TBC1D32: variants seen among roughly 807,000 people sequenced by gnomAD.
TBC1D32 encodes the protein protein broad-minded.
In TBC1D32, 151 loss-of-function variants were observed where a neutral mutation model predicts 170.3. The observed-to-expected ratio is 0.89, with a 90% confidence interval of 0.78 to 1.01. The LOEUF (loss-of-function observed/expected upper bound fraction) is 1.01. TBC1D32 is among the 50% of genes least tolerant of loss of function. The pLI is 0.00. For missense variants in TBC1D32, 1,464 were observed against 1,457.1 expected, an observed-to-expected ratio of 1.00 and a Z score of -0.08; for synonymous variants, 498 against 488.0, an observed-to-expected ratio of 1.02 and a Z score of -0.27.
chr6:121,175,181 G>T (rs889508139), intron 22 of TBC1D32, among the ~76,000 whole-genome samples: 7 of 152,230 alleles, frequency 4.6e-5, no homozygotes, highest in Admixed American at 3.3e-4. Context: ...AGGTTAAGAA[G>T]GTTTAGGGAG....
chr6:121,180,259 G>C (rs1009903306), intron 22 of TBC1D32, among the ~76,000 whole-genome samples: 1 of 152,010 alleles, frequency 6.6e-6, no homozygotes, highest in South Asian at 2.1e-4. Context: ...GGAAAGAAAA[G>C]GACTAAAAAT....
chr6:121,110,144 G>A (rs371320207), intron 29 of TBC1D32, among the ~76,000 whole-genome samples: 2 of 151,414 alleles, frequency 1.3e-5, no homozygotes, highest in African/African-American at 2.4e-5. Flanking sequence ...CCAGCTACTC[G>A]GGAGGCTGAG....
intron 15 of TBC1D32, among the ~76,000 whole-genome samples, chr6:121,259,723 A>C (rs1045793239): frequency 6.6e-6 from 1 of 152,184 alleles, no homozygotes; most frequent in African/African-American, 2.4e-5. Context: ...AAACAGAATA[A>C]ACCTGATTCA....
At chr6:121,243,437 T>C (rs938890718) in intron 17 of TBC1D32, among the ~76,000 whole-genome samples, 1 of 151,978 alleles carries the variant, frequency 6.6e-6, no homozygotes, top group Non-Finnish European at 1.5e-5. Flanking sequence ...CAATAGGATG[T>C]TCACAAAAAA....
At chr6:121,085,272 T>TATAC (rs1776095970) in intron 31 of TBC1D32, among the ~76,000 whole-genome samples, 1 of 142,458 alleles carries the variant, frequency 7.0e-6, no homozygotes. Flanking sequence ...TATATACATA[T>TATAC]ATACGTATAT....
chr6:121,091,625 A>G (rs1776808962), intron 30 of TBC1D32, among the ~76,000 whole-genome samples: 1 of 152,180 alleles, frequency 6.6e-6, no homozygotes, highest in African/African-American at 2.4e-5. Flanking sequence ...ACATTTGTTC[A>G]GATTATAAAA....
chr6:121,240,156 C>T (rs2128358633), intron 19 of TBC1D32, among the ~76,000 whole-genome samples: 1 of 152,106 alleles, frequency 6.6e-6, no homozygotes, highest in East Asian at 1.9e-4. Context: ...AGTCTTCCTC[C>T]TTCTGTCCTT....
chr6:121,158,395 C>T (rs1436433264), intron 24 of TBC1D32, among the ~76,000 whole-genome samples: 1 of 152,064 alleles, frequency 6.6e-6, no homozygotes. Flanking sequence ...TTTCTTTTAG[C>T]TCCTGGATCA....
chr6:121,229,408 A>G (rs12525337), intron 20 of TBC1D32, among the ~76,000 whole-genome samples: 9,822 of 152,104 alleles, frequency 0.065, 618 homozygotes, highest in Admixed American at 0.21. Flanking sequence ...TTTGACCTGT[A>G]AAGTTTCCAC....
chr6:121,250,029 A>G (rs1798093731), intron 17 of TBC1D32, among the ~76,000 whole-genome samples: 1 of 152,116 alleles, frequency 6.6e-6, no homozygotes, highest in South Asian at 2.1e-4. Flanking sequence ...CAGCCAAAGC[A>G]AAACTAAGCA....
intron 1 of TBC1D32, among the ~76,000 whole-genome samples, chr6:121,324,941 G>A (rs765833386): frequency 1.3e-5 from 2 of 152,148 alleles, no homozygotes; most frequent in Non-Finnish European, 2.9e-5. Flanking sequence ...TGGGCACAGC[G>A]GCTCACGCCT....
chr6:121,306,284 A>G (rs1458075294), intron 5 of TBC1D32, among the ~76,000 whole-genome samples: 1 of 152,174 alleles, frequency 6.6e-6, no homozygotes, highest in Non-Finnish European at 1.5e-5. Context: ...TACCAGTATA[A>G]TCATATCTTT....
intron 2 of TBC1D32, 76 bp from the exon 3 acceptor site, chr6:121,317,748 T>C: frequency 9.1e-7 from 1 of 1,097,544 alleles, no homozygotes; most frequent in Non-Finnish European, 1.2e-6. Flanking sequence ...ATTATCTAAT[T>C]TTTTTTCTAT....
chr6:121,188,473 G>A (rs1789506602), intron 22 of TBC1D32, among the ~76,000 whole-genome samples: 1 of 152,036 alleles, frequency 6.6e-6, no homozygotes, highest in Non-Finnish European at 1.5e-5. Context: ...TCAAGAATAT[G>A]ACAAAACTAT....
chr6:121,256,583 A>G (rs1799051568), intron 15 of TBC1D32, among the ~76,000 whole-genome samples: 1 of 152,202 alleles, frequency 6.6e-6, no homozygotes, highest in Admixed American at 6.5e-5. Context: ...CAGTGAAAAC[A>G]TAATCCTAAA....
intron 13 of TBC1D32, among the ~76,000 whole-genome samples, chr6:121,282,834 G>T (rs1288624089): frequency 6.6e-6 from 1 of 151,886 alleles, no homozygotes; most frequent in East Asian, 1.9e-4. Context: ...TATGCTGTAA[G>T]AGTGTATAGT....
chr6:121,233,021 G>A (rs1384804698), intron 20 of TBC1D32, among the ~76,000 whole-genome samples: 1 of 151,944 alleles, frequency 6.6e-6, no homozygotes. Flanking sequence ...TGGTTTTGAG[G>A]GTTCCTTTTG....
chr6:121,287,819 A>G (rs1050490041), intron 12 of TBC1D32, among the ~76,000 whole-genome samples: 3 of 152,222 alleles, frequency 2.0e-5, no homozygotes, highest in Non-Finnish European at 4.4e-5. Context: ...ACCACAGTGC[A>G]ATCAAACTAG....
At chr6:121,160,679 T>A (rs565358563) in intron 23 of TBC1D32, among the ~76,000 whole-genome samples, 11 of 152,134 alleles carry the variant, frequency 7.2e-5, no homozygotes. Flanking sequence ...CAAAGGCGCA[T>A]AAGAAAAATA....
Sources: allele counts gnomAD v4.1 joint callset (sites outside exome capture counted in the v4.1 genomes callset), GRCh38; gene constraint gnomAD v4.1.1; transcripts MANE v1.5; gene names NCBI Gene and HGNC (gene_info 2026-07-23, HGNC 2026-07-21).